PPP4R4: variants seen among roughly 807,000 people sequenced by gnomAD.
The protein encoded by PPP4R4 is serine/threonine-protein phosphatase 4 regulatory subunit 4.
In PPP4R4, 70 loss-of-function variants were observed where a neutral mutation model predicts 121.8. The ratio of observed to expected loss-of-function variants is 0.57; its 90% CI spans 0.47 to 0.70. PPP4R4 has a LOEUF of 0.70. Among genes scored for constraint, PPP4R4 ranks in the 30% least tolerant of loss-of-function variants. The probability of loss-of-function intolerance (pLI) is 0.00; values close to 1 mark genes in which losing one functional copy is unlikely to be tolerated. For synonymous variants in PPP4R4, 348 were observed against 355.7 expected (o/e 0.98, Z 0.24); for missense variants, 875 against 1,033.6 (o/e 0.85, Z 2.10).
chr14:94,208,384 A>T, intron 2 of PPP4R4, 80 bp from the exon 3 acceptor site: 1 of 991,818 alleles, frequency 1.0e-6, no homozygotes, highest in East Asian at 2.9e-5. Flanking sequence ...TCATTTTTCC[A>T]ATTAGTCCAT....
chr14:94,217,353 C>T (rs981550723), intron 3 of PPP4R4, among the ~76,000 whole-genome samples: 7 of 152,164 alleles, frequency 4.6e-5, no homozygotes, highest in Non-Finnish European at 1.0e-4. Flanking sequence ...AAGCCTGAAA[C>T]CCAGCTCAAC....
intron 3 of PPP4R4, chr14:94,227,517 C>A: frequency 7.5e-7 from 1 of 1,328,748 alleles, no homozygotes; most frequent in Non-Finnish European, 9.6e-7. Context: ...GTCAGCACAA[C>A]AAGAGAAAAA....
chr14:94,267,882 G>A (rs761668774), intron 23 of PPP4R4, among the ~76,000 whole-genome samples: 2 of 151,942 alleles, frequency 1.3e-5, no homozygotes, highest in Non-Finnish European at 2.9e-5. Flanking sequence ...TAATTCTTAG[G>A]AGGAATGTAT....
intron 16 of PPP4R4, among the ~76,000 whole-genome samples, chr14:94,253,587 G>A (rs1338463741): frequency 6.6e-6 from 1 of 152,204 alleles, no homozygotes; most frequent in Non-Finnish European, 1.5e-5. Flanking sequence ...GTGATGTATT[G>A]TCACTTATCA....
intron 3 of PPP4R4, among the ~76,000 whole-genome samples, chr14:94,222,693 TTTTTATTAGCA>T (rs1208773651): frequency 7.2e-5 from 11 of 152,038 alleles, no homozygotes; most frequent in Non-Finnish European, 8.8e-5. Context: ...TAAATAGATG[TTTTTATTAGCA>T]TAGGATTTTA....
Position 94,176,211 on chromosome 14 carries a change from T to A in PPP4R4, c.191+84T>A, listed in dbSNP as rs1015007722. ...ATGCTTTCTAAAATGTATGTTCGCG[T>A]TATGTTCAGATTTACTTAGCCACTT... On this transcript the variant is annotated intron_variant, in intron 2 of 24. Coordinates refer to ENST00000304338, the MANE Select transcript of PPP4R4 (RefSeq NM_058237.2). 5.1e-6 allele frequency: 6 copies of A among 1,174,744 alleles called. No individual in the cohort carries two copies. In the African/African-American group the frequency reaches 9.1e-5, roughly 18 times the overall value. 72.8% of individuals were successfully genotyped at this position (1,174,744 alleles called of 1,614,324 possible).
chr14:94,249,190 T>C (rs1893053659), intron 14 of PPP4R4, among the ~76,000 whole-genome samples: 1 of 152,070 alleles, frequency 6.6e-6, no homozygotes. Flanking sequence ...TGCTTTTGTT[T>C]AGTTCACCAT....
intron 2 of PPP4R4, among the ~76,000 whole-genome samples, chr14:94,178,362 A>T (rs1049949920): frequency 1.3e-5 from 2 of 150,212 alleles, no homozygotes; most frequent in African/African-American, 4.9e-5. Flanking sequence ...TTATATATAT[A>T]TTTTCTCTCT....
At chr14:94,235,109 C>T (rs191023826) in intron 7 of PPP4R4, among the ~76,000 whole-genome samples, 52 of 152,224 alleles carry the variant, frequency 3.4e-4, no homozygotes, top group Non-Finnish European at 7.1e-4. Flanking sequence ...TATCCTTCCA[C>T]ATGTTTAAAA....
At chr14:94,265,026 A>AT in intron 20 of PPP4R4, 79 bp downstream of exon 20, 12 of 1,202,394 alleles carry the variant, frequency 1.0e-5, no homozygotes, top group Non-Finnish European at 1.2e-5. Context: ...ACCATGCTGA[A>AT]TTTTTTATTT....
intron 2 of PPP4R4, among the ~76,000 whole-genome samples, chr14:94,201,923 A>AAT (rs1383930282): frequency 1.4e-5 from 2 of 144,978 alleles, no homozygotes; most frequent in Non-Finnish European, 3.0e-5. Flanking sequence ...AGATAAAGAA[A>AAT]ATGTGTGTGT....
Position 94,264,892 on chromosome 14 carries a change from A to G in PPP4R4, c.2142A>G (p.Lys714=), listed in dbSNP as rs1403764148. 2.5e-6 allele frequency: 4 copies of G among 1,603,496 alleles called. No homozygotes were observed. The highest frequency in any genetic ancestry group is 3.4e-6 in the Non-Finnish European group (4 of 1,176,732). The change falls in exon 20 of 25, where the codon AAA becomes AAG. Residue 714 remains lysine, a synonymous_variant. Coordinates refer to ENST00000304338, the MANE Select transcript of PPP4R4 (RefSeq NM_058237.2). ...CTTAATAACAGGAACAATTAGAGAA[A>G]GAAAAGCAACAGAATGATGGAAGGC... The part of the protein sequence containing the change: ...LLLLEMEQLE[K]EKQQNDGRPM...
intron 3 of PPP4R4, among the ~76,000 whole-genome samples, chr14:94,222,344 CA>C (rs1166937729): frequency 6.6e-6 from 1 of 151,796 alleles, no homozygotes; most frequent in Non-Finnish European, 1.5e-5. Context: ...TGAGCTTAGA[CA>C]TTACAAAAAG....
chr14:94,244,741 A>G, intron 12 of PPP4R4, 29 bp downstream of exon 12: 1 of 1,464,410 alleles, frequency 6.8e-7, no homozygotes, highest in South Asian at 1.3e-5. Context: ...TTGATTTTTA[A>G]TTCTTTTATG....
At position 94,246,339 on chromosome 14, in the gene PPP4R4, G is replaced by T; in HGVS notation, c.1429-18G>T. The T allele has an allele frequency of 6.3e-7, 1 of 1,582,392 alleles. No individual in the cohort carries two copies. Among genetic ancestry groups the T allele is most frequent in the South Asian group, 1.2e-5 (1 of 85,992 alleles). On this transcript the variant is annotated intron_variant, in intron 13 of 24. Coordinates refer to ENST00000304338, the MANE Select transcript of PPP4R4 (RefSeq NM_058237.2). ...GCAATTTATTTATAATTGATTTTTT[G>T]ATGCGTTTCATTTTCAGTTATCTTC... is the stretch of plus-strand genomic sequence containing the variant.
intron 3 of PPP4R4, among the ~76,000 whole-genome samples, chr14:94,229,992 A>G (rs981790370): frequency 3.9e-5 from 6 of 152,194 alleles, no homozygotes; most frequent in African/African-American, 9.6e-5. Flanking sequence ...AATTCTTTAA[A>G]TGGTGAATGG....
intron 2 of PPP4R4, among the ~76,000 whole-genome samples, chr14:94,186,861 A>G (rs193135112): frequency 2.4e-4 from 37 of 152,302 alleles, no homozygotes; most frequent in African/African-American, 7.7e-4. Context: ...TGAAGTCTCC[A>G]ACTGTAATTG....
rs754194747 is a variant in PPP4R4, at chr14:94,231,439, C to T, written c.516+124C>T. ...TTTTTCATTTTGAATGTAACACGTG[C>T]ACATTGGAGGAAATTTGAGAAATAT... is the stretch of plus-strand genomic sequence containing the variant. On this transcript the variant is annotated intron_variant, in intron 5 of 24. Transcript: ENST00000304338. 6.0e-5 allele frequency: 40 copies of T among 666,682 alleles called. 1 individual carries two copies. Among genetic ancestry groups the T allele is most frequent in the Non-Finnish European group, 9.3e-5 (37 of 396,782 alleles). The allele number at this position is 666,682 out of a possible 1,614,324, so 41.3% of individuals were successfully genotyped here. A position where few individuals can be genotyped will look rare whatever the true frequency, so the allele number is the denominator to read the frequency against.
At chr14:94,231,038 G>T (rs915947630) in intron 4 of PPP4R4, among the ~76,000 whole-genome samples, 1 of 152,058 alleles carries the variant, frequency 6.6e-6, no homozygotes, top group African/African-American at 2.4e-5. Context: ...TTGGTTTAAA[G>T]ATATCTCACC....
Sources: gnomAD v4.1 joint callset for allele counts (sites outside exome capture counted in the v4.1 genomes callset) on GRCh38, gnomAD v4.1.1 for gene constraint, MANE v1.5 for transcripts, NCBI Gene and HGNC (gene_info 2026-07-23, HGNC 2026-07-21) for gene names.